Variants in DGKI observed in about 807,000 individuals in gnomAD.
DGKI encodes the protein DAG kinase iota.
In DGKI, 55 loss-of-function variants were observed where a neutral mutation model predicts 147.5. That is an observed-to-expected ratio of 0.37 (90% confidence interval 0.30 to 0.47). The LOEUF is 0.47. Ranked by LOEUF, DGKI falls within the 20% of genes least tolerant of loss-of-function variation. The pLI is 1.00. For missense variants in DGKI, 1,007 were observed against 1,323.8 expected, an observed-to-expected ratio of 0.76 and a Z score of 3.71; for synonymous variants, 469 against 477.1, an observed-to-expected ratio of 0.98 and a Z score of 0.22.
At chr7:137,413,393 GAACATAGTACTCAAC>G (rs1489394073) in intron 28 of DGKI, among the ~76,000 whole-genome samples, 8 of 147,772 alleles carry the variant, frequency 5.4e-5, no homozygotes, top group African/African-American at 2.1e-4. Flanking sequence ...CCCAGACAGT[GAACATAGTACTCAAC>G]AAGAGGTTTT....
intron 28 of DGKI, among the ~76,000 whole-genome samples, chr7:137,418,007 A>C (rs191195154): frequency 6.6e-6 from 1 of 152,334 alleles, no homozygotes. Flanking sequence ...GGAACAGACT[A>C]AGATCCCCAC....
intron 19 of DGKI, among the ~76,000 whole-genome samples, chr7:137,568,234 T>G (rs1431739093): frequency 1.3e-5 from 2 of 152,240 alleles, no homozygotes; most frequent in Admixed American, 6.5e-5. Context: ...AAACTACTTA[T>G]AGTTCCCACA....
At chr7:137,761,156 C>T (rs984857493) in intron 1 of DGKI, among the ~76,000 whole-genome samples, 9 of 152,176 alleles carry the variant, frequency 5.9e-5, no homozygotes, top group African/African-American at 9.6e-5. Context: ...AGCCACTGCA[C>T]GGTGGTTTGC....
At chr7:137,547,100 A>G (rs905451365) in intron 20 of DGKI, among the ~76,000 whole-genome samples, 3 of 152,244 alleles carry the variant, frequency 2.0e-5, no homozygotes, top group Non-Finnish European at 4.4e-5. Context: ...ATTCTCCTTC[A>G]ATGGCACATT....
At chr7:137,673,246 A>G (rs1351959061) in intron 3 of DGKI, among the ~76,000 whole-genome samples, 3 of 152,158 alleles carry the variant, frequency 2.0e-5, no homozygotes, top group Non-Finnish European at 4.4e-5. Context: ...TATCTTTTGG[A>G]GTACACTATT....
intron 12 of DGKI, among the ~76,000 whole-genome samples, 161 bp downstream of exon 12, chr7:137,597,686 T>C (rs1819844565): frequency 6.6e-6 from 1 of 152,116 alleles, no homozygotes; most frequent in African/African-American, 2.4e-5. Flanking sequence ...ATAAGGACAA[T>C]AACAAAGTCC....
intron 27 of DGKI, among the ~76,000 whole-genome samples, chr7:137,445,649 C>A (rs1414873714): frequency 6.6e-6 from 1 of 152,184 alleles, no homozygotes; most frequent in Non-Finnish European, 1.5e-5. Context: ...TTCCATCACA[C>A]TGATATTCAG....
intron 21 of DGKI, among the ~76,000 whole-genome samples, chr7:137,518,953 A>G (rs903658084): frequency 6.6e-5 from 10 of 151,982 alleles, no homozygotes; most frequent in African/African-American, 1.2e-4. Flanking sequence ...TAATATGGCC[A>G]CTTTCTCTTT....
At chr7:137,625,967 G>A (rs564063420) in intron 6 of DGKI, among the ~76,000 whole-genome samples, 2 of 152,168 alleles carry the variant, frequency 1.3e-5, no homozygotes, top group East Asian at 3.9e-4. Context: ...TAAAAACCCT[G>A]GACACTGAGT....
chr7:137,407,765 G>A, intron 30 of DGKI, 110 bp downstream of exon 30: 1 of 1,417,798 alleles, frequency 7.1e-7, no homozygotes, highest in Non-Finnish European at 9.7e-7. Flanking sequence ...AAGTTCGAGA[G>A]TATTTCTGCC....
At chr7:137,751,173 C>G (rs1240848058) in intron 1 of DGKI, among the ~76,000 whole-genome samples, 3 of 152,234 alleles carry the variant, frequency 2.0e-5, no homozygotes, top group Non-Finnish European at 4.4e-5. Flanking sequence ...GGAAGATACA[C>G]ATAAATATTT....
intron 12 of DGKI, among the ~76,000 whole-genome samples, chr7:137,595,152 G>A (rs538476010): frequency 8.5e-5 from 13 of 152,280 alleles, no homozygotes; most frequent in African/African-American, 3.1e-4. Context: ...TTACCCTTAT[G>A]GAATACTCAT....
At chr7:137,601,669 A>G (rs1819996725) in intron 10 of DGKI, among the ~76,000 whole-genome samples, 3 of 152,232 alleles carry the variant, frequency 2.0e-5, no homozygotes, top group Admixed American at 2.0e-4. Flanking sequence ...CGTATCTAGC[A>G]CAGTATGCGG....
chr7:137,750,412 C>T (rs565930712), intron 1 of DGKI, among the ~76,000 whole-genome samples: 74 of 151,588 alleles, frequency 4.9e-4, no homozygotes, highest in African/African-American at 1.6e-3. Context: ...GTGTAGATCG[C>T]TGTTGTATCA....
At chr7:137,679,017 ATAT>A (rs1823137262) in intron 2 of DGKI, among the ~76,000 whole-genome samples, 1 of 152,238 alleles carries the variant, frequency 6.6e-6, no homozygotes, top group South Asian at 2.1e-4. Context: ...GACTAAAATT[ATAT>A]TAAAATTTGA....
At position 137,618,151 on chromosome 7, in the gene DGKI, A is replaced by ATATATATATATATATATATATATATTTT; in HGVS notation, c.993+1672_993+1673insAAAATATATATATATATATATATATATA. 3.5e-3 allele frequency among the ~76,000 whole-genome samples: 37 copies of ATATATATATATATATATATATATATTTT among 10,438 alleles called. 4 individuals carry two copies. Among genetic ancestry groups the ATATATATATATATATATATATATATTTT allele is most frequent in the South Asian group, 0.022 (1 of 46 alleles). The allele number at this position is 10,438 out of a possible 152,430, so 6.8% of individuals were successfully genotyped here. A position where few individuals can be genotyped will look rare whatever the true frequency, so the allele number is the denominator to read the frequency against. ...ACTATATATATATATATATATATAT[A>ATATATATATATATATATATATATATTTT]TTTTTTTTTTTTTACTCTATCATTC... On this transcript the variant is annotated intron_variant, in intron 8 of 32. Transcript: ENST00000614521.
intron 1 of DGKI, among the ~76,000 whole-genome samples, chr7:137,770,610 T>C (rs1585470558): frequency 2.1e-5 from 1 of 47,486 alleles, no homozygotes; most frequent in East Asian, 6.1e-4. Flanking sequence ...CTCGGCTCAC[T>C]GCAAGCTCCG....
chr7:137,504,756 C>A lies in DGKI; in HGVS notation c.2249-17067G>T, dbSNP rs186299137. The stretch of plus-strand genomic sequence containing the variant: ...GAAACCAATAGCCTTTTAAAAAAAA[C>A]CCATTCCCTAGAAAATAACATAGAA... On this transcript the variant is annotated intron_variant, in intron 21 of 32. Coordinates refer to ENST00000614521, the MANE Select transcript of DGKI (RefSeq NM_001321708.2). 5.4e-3 allele frequency among the ~76,000 whole-genome samples: 820 copies of A among 151,992 alleles called. 11 individuals are homozygous for A. Among genetic ancestry groups the A allele is most frequent in the African/African-American group, 0.019 (784 of 41,454 alleles).
intron 24 of DGKI, among the ~76,000 whole-genome samples, chr7:137,468,592 T>C (rs926834140): frequency 2.0e-5 from 3 of 152,170 alleles, no homozygotes; most frequent in Non-Finnish European, 4.4e-5. Context: ...CAAGTGCCCA[T>C]CTTCATAACA....
Sources: gnomAD v4.1 joint callset for allele counts (sites outside exome capture counted in the v4.1 genomes callset) on GRCh38, gnomAD v4.1.1 for gene constraint, MANE v1.5 for transcripts, NCBI Gene and HGNC (gene_info 2026-07-23, HGNC 2026-07-21) for gene names.